The following SETD4 variants were observed in gnomAD, a reference collection of about 807,000 sequenced individuals.
SETD4 encodes SET domain containing 4.
A neutral mutation model predicts 58.3 loss-of-function variants in SETD4; 46 were observed. The ratio of observed to expected loss-of-function variants is 0.79; its 90% CI spans 0.62 to 1.01. SETD4 has a LOEUF of 1.01. SETD4 is among the 50% of genes least tolerant of loss of function. The probability of loss-of-function intolerance (pLI) is 0.00; values close to 1 mark genes in which losing one functional copy is unlikely to be tolerated. For synonymous variants in SETD4, 190 were observed against 202.6 expected (o/e 0.94, Z 0.53); for missense variants, 490 against 523.3 (o/e 0.94, Z 0.62).
rs773699135 is a variant in SETD4, at chr21:36,043,781, C to A, written c.901+1G>T. The A allele has an allele frequency of 5.0e-5, 81 of 1,613,944 alleles. No homozygotes were observed. Among genetic ancestry groups the A allele is most frequent in the Non-Finnish European group, 6.8e-5 (80 of 1,179,946 alleles). ...ATGTTAAGAACAAAGTTGATTCCAA[C>A]CTCTTGAGACATAAACACAAGCATG... On this transcript the variant is annotated splice_donor_variant, in intron 7 of 11. Transcript: ENST00000332131. LOFTEE classifies it high-confidence loss of function.
chr21:36,053,293 G>A lies in SETD4; in HGVS notation c.207+290C>T, dbSNP rs1175824501. 8.3e-6 allele frequency: 4 copies of A among 482,042 alleles called. No homozygotes were observed. The Admixed American group carries it at 1.4e-4, about 17-fold the overall frequency. 29.9% of individuals were successfully genotyped at this position (482,042 alleles called of 1,614,324 possible). A position where few individuals can be genotyped will look rare whatever the true frequency, so the allele number is the denominator to read the frequency against. On this transcript the variant is annotated intron_variant, in intron 4 of 11. Transcript: ENST00000332131. ...CATGAGAGAGCTGGAAGGAGTTGGGGCCTCTGCCAGCCATGGGACTGCCCC... is the reference window on the plus strand; with the variant it reads ...CATGAGAGAGCTGGAAGGAGTTGGGACCTCTGCCAGCCATGGGACTGCCCC...
At position 36,043,787 on chromosome 21, in the gene SETD4, GA is replaced by G; in HGVS notation, c.895del (p.Ser299GlnfsTer23). 1.9e-6 allele frequency: 3 copies of G among 1,614,088 alleles called. No homozygotes were observed. The highest frequency in any genetic ancestry group is 2.5e-6 in the Non-Finnish European group (3 of 1,179,982). ...AGAACAAAGTTGATTCCAACCTCTTGAGACATAAACACAAGCATGAGGATTA... is the reference window on the plus strand; with the variant it reads ...AGAACAAAGTTGATTCCAACCTCTTGGACATAAACACAAGCATGAGGATTA... ...VHNPHACVYVSREILVKYLPS... is the reference protein window; with the variant it reads ...VHNPHACVYVXREILVKYLPS... On this transcript the variant is annotated frameshift_variant, in exon 7 of 12. Transcript: ENST00000332131. LOFTEE classifies it high-confidence loss of function.
At chr21:36,053,549 C>A in intron 4 of SETD4, 34 bp downstream of exon 4, 1 of 1,612,782 alleles carries the variant, frequency 6.2e-7, no homozygotes, top group Non-Finnish European at 8.5e-7. Context: ...GCAAAATCTA[C>A]ATTGGGTTTC....
intron 9 of SETD4, among the ~76,000 whole-genome samples, chr21:36,038,771 C>T (rs1237995335): frequency 6.6e-6 from 1 of 152,112 alleles, no homozygotes; most frequent in Non-Finnish European, 1.5e-5. Flanking sequence ...GCCTCTATCC[C>T]CATGCAGGTC....
At chr21:36,058,014 C>T (rs2065075331) in intron 2 of SETD4, among the ~76,000 whole-genome samples, 1 of 152,286 alleles carries the variant, frequency 6.6e-6, no homozygotes, top group South Asian at 2.1e-4. Context: ...ACAGGGTTAC[C>T]CTGAATTTGA....
intron 6 of SETD4, 144 bp from the exon 7 acceptor site, chr21:36,044,100 A>G: frequency 9.6e-7 from 1 of 1,038,610 alleles, no homozygotes; most frequent in African/African-American, 1.6e-5. Flanking sequence ...GGAAAATGCC[A>G]CTTCCGGTTT....
At chr21:36,041,172 A>G (rs1407842919) in intron 8 of SETD4, among the ~76,000 whole-genome samples, 6 of 148,082 alleles carry the variant, frequency 4.1e-5, no homozygotes, top group Non-Finnish European at 9.0e-5. Context: ...AAAAAAAAAA[A>G]AAAAAAAAAA....
At chr21:36,051,306 AC>A in intron 4 of SETD4, 1 of 1,590,776 alleles carries the variant, frequency 6.3e-7, no homozygotes. Context: ...AGAGCTGCTC[AC>A]CAAACTCCCA....
intron 4 of SETD4, among the ~76,000 whole-genome samples, chr21:36,049,663 C>A (rs928097574): frequency 3.3e-5 from 5 of 152,248 alleles, no homozygotes; most frequent in African/African-American, 1.2e-4. Context: ...ACTTCCCATT[C>A]CAACATCCTA....
intron 3 of SETD4, 146 bp downstream of exon 3, chr21:36,056,963 C>A (rs1436246567): frequency 3.0e-6 from 2 of 674,862 alleles, no homozygotes; most frequent in Non-Finnish European, 2.7e-6. Context: ...TGGCCATACA[C>A]AGGGGACTCC....
chr21:36,035,886 G>A lies in SETD4; in HGVS notation c.*107C>T. 1.8e-6 allele frequency: 1 copy of A among 543,910 alleles called. No homozygotes were observed. Among genetic ancestry groups the A allele is most frequent in the Non-Finnish European group, 3.2e-6 (1 of 307,750 alleles). The allele number at this position is 543,910 out of a possible 1,614,324, so 33.7% of individuals were successfully genotyped here. Reference sequence around the variant, plus strand: ...AATCCCAGAACCTGTGCTGCCCCCTGCAGAAATCCTGCATGTCCTGGGGGC... The same window carrying A: ...AATCCCAGAACCTGTGCTGCCCCCTACAGAAATCCTGCATGTCCTGGGGGC... On this transcript the variant is annotated 3_prime_UTR_variant, in exon 12 of 12. Coordinates refer to ENST00000332131, the MANE Select transcript of SETD4 (RefSeq NM_017438.5).
chr21:36,037,957 T>C (rs1480442602), intron 10 of SETD4, among the ~76,000 whole-genome samples, 193 bp downstream of exon 10: 6 of 152,186 alleles, frequency 3.9e-5, no homozygotes, highest in Non-Finnish European at 5.9e-5. Flanking sequence ...GATCGTGCCA[T>C]TGCACTCCAG....
chr21:36,059,803 A>G (rs1341468947), intron 1 of SETD4: 3 of 985,408 alleles, frequency 3.0e-6, no homozygotes, highest in East Asian at 1.1e-4. Flanking sequence ...CTTCCGCAGT[A>G]TAAGGTTCAT....
At chr21:36,050,235 G>T in intron 4 of SETD4, 1 of 1,372,870 alleles carries the variant, frequency 7.3e-7, no homozygotes, top group South Asian at 1.2e-5. Context: ...TTACGTGGCT[G>T]CCAAGTTGTG....
intron 9 of SETD4, among the ~76,000 whole-genome samples, chr21:36,040,129 C>T (rs1267540225): frequency 3.9e-5 from 6 of 152,004 alleles, no homozygotes; most frequent in Non-Finnish European, 7.3e-5. Flanking sequence ...ACACCGGGGG[C>T]TCCCCGACCT....
chr21:36,050,197 G>T, intron 4 of SETD4: 1 of 1,154,360 alleles, frequency 8.7e-7, no homozygotes, highest in Non-Finnish European at 1.3e-6. Context: ...ATCCAGGCAA[G>T]GAAGCACAAG....
chr21:36,058,217 GGGC>G (rs995284967), intron 2 of SETD4, among the ~76,000 whole-genome samples: 2 of 152,114 alleles, frequency 1.3e-5, no homozygotes, highest in Non-Finnish European at 2.9e-5. Flanking sequence ...TATTCTCTTT[GGGC>G]TGGGCACAGT....
Position 36,041,896 on chromosome 21 carries a change from C to CCAA in SETD4, c.902-9_902-8insTTG, listed in dbSNP as rs71326617. On this transcript the variant is annotated splice_polypyrimidine_tract_variant and intron_variant, in intron 7 of 11. Transcript: ENST00000332131. ...GATATTTAACAAGTATTTCTATATT[C>CCAA]AAAAAAAAAAATCAGACTGTTAGGG... is the stretch of plus-strand genomic sequence containing the variant. The CCAA allele has an allele frequency of 1.2e-5, 14 of 1,181,508 alleles. No homozygotes were observed. Among genetic ancestry groups the CCAA allele is most frequent in the Non-Finnish European group, 1.6e-5 (14 of 865,778 alleles). The allele number at this position is 1,181,508 out of a possible 1,614,324, so 73.2% of individuals were successfully genotyped here.
At chr21:36,040,759 T>C in intron 8 of SETD4, 104 bp from the exon 9 acceptor site, 1 of 1,018,874 alleles carries the variant, frequency 9.8e-7, no homozygotes, top group Non-Finnish European at 1.5e-6. Context: ...GGTTGCTAAA[T>C]GTCATGTAAC....
Sources: gnomAD v4.1 joint callset for allele counts (sites outside exome capture counted in the v4.1 genomes callset) on GRCh38, gnomAD v4.1.1 for gene constraint, MANE v1.5 for transcripts, NCBI Gene and HGNC (gene_info 2026-07-23, HGNC 2026-07-21) for gene names.